Variants in ECI2 observed in about 807,000 individuals in gnomAD.
ECI2 encodes D3,D2-enoyl-CoA isomerase.
In ECI2, 27 loss-of-function variants were observed where a neutral mutation model predicts 38.4. The observed-to-expected ratio is 0.70, with a 90% CI of 0.52 to 0.97. The LOEUF (loss-of-function observed/expected upper bound fraction) is 0.97. Among genes scored for constraint, ECI2 ranks in the 50% least tolerant of loss-of-function variants. The pLI is 0.00. For synonymous variants in ECI2, 168 were observed against 172.0 expected, an observed-to-expected ratio of 0.98 and a Z score of 0.18; for missense variants, 470 against 474.4, an observed-to-expected ratio of 0.99 and a Z score of 0.09.
Position 4,115,793 on chromosome 6 carries a change from A to C in ECI2, c.*81T>G. 1 of 1,525,614 alleles carries C rather than the reference A, an allele frequency of 6.6e-7. No individual in the cohort carries two copies. The highest frequency in any genetic ancestry group is 8.9e-7 in the Non-Finnish European group (1 of 1,127,418). 94.5% of individuals were successfully genotyped at this position (1,525,614 alleles called of 1,614,324 possible). A position where few individuals can be genotyped will look rare whatever the true frequency, so the allele number is the denominator to read the frequency against. On this transcript the variant is annotated 3_prime_UTR_variant, in exon 10 of 10. Transcript: ENST00000380118. Reference sequence around the variant, plus strand: ...TCTAGCACTACAAAAGGCACAATGAAGCTTATTTAGTTCCAGTACTGGAAA... The same window carrying C: ...TCTAGCACTACAAAAGGCACAATGACGCTTATTTAGTTCCAGTACTGGAAA...
In ECI2 at chr6:4,123,843, C is replaced by T. The variant is rs186470781; in HGVS notation, c.795+1407G>A. Among the ~76,000 whole-genome samples, 106 of 152,006 alleles carry T rather than the reference C, an allele frequency of 7.0e-4. 3 individuals are homozygous for T. In the East Asian group the frequency reaches 0.018, roughly 26 times the overall value. Reference sequence around the variant, plus strand: ...AATTAGCTCGATGTGGTGGCACGCACCTGTACTACTCAGGAGGCTGAGTGG... The same window carrying T: ...AATTAGCTCGATGTGGTGGCACGCATCTGTACTACTCAGGAGGCTGAGTGG... On this transcript the variant is annotated intron_variant, in intron 7 of 9. Coordinates refer to ENST00000380118, the MANE Select transcript of ECI2 (RefSeq NM_206836.3).
chr6:4,117,186 T>C (rs1037024159), intron 9 of ECI2, 122 bp downstream of exon 9: 3 of 1,206,282 alleles, frequency 2.5e-6, no homozygotes, highest in African/African-American at 3.1e-5. Flanking sequence ...CAAATTTAGA[T>C]GTGCTTAGAG....
In ECI2 at chr6:4,134,182, C is replaced by G. The variant is rs150727831; in HGVS notation, c.51-471G>C. On this transcript the variant is annotated intron_variant, in intron 1 of 9. Transcript: ENST00000380118. ...CCTCTTTGCTGGCGAAGCTGGTGTT[C>G]CAACATACACACAGGTGGAAGGAGG... Among the ~76,000 whole-genome samples, 162 of 152,304 alleles carry G rather than the reference C, an allele frequency of 1.1e-3. 1 individual carries two copies. Among genetic ancestry groups the G allele is most frequent in the African/African-American group, 3.6e-3 (150 of 41,554 alleles).
In ECI2 at chr6:4,135,319, G is replaced by C. The variant is rs377026780; in HGVS notation, c.50+192C>G. Reference sequence around the variant, plus strand: ...CGACGCGCCCATCCTGACCACTCCGGGCCCAGCGGTGCAGGAGGGCGCGCG... The same window carrying C: ...CGACGCGCCCATCCTGACCACTCCGCGCCCAGCGGTGCAGGAGGGCGCGCG... On this transcript the variant is annotated intron_variant, in intron 1 of 9. Transcript: ENST00000380118. The C allele has an allele frequency of 2.0e-4, 289 of 1,449,054 alleles. 1 individual carries two copies. The East Asian group carries it at 5.1e-3, about 26-fold the overall frequency. The allele number at this position is 1,449,054 out of a possible 1,614,324, so 89.8% of individuals were successfully genotyped here.
At chr6:4,124,381 G>C (rs1301741469) in intron 7 of ECI2, among the ~76,000 whole-genome samples, 2 of 152,174 alleles carry the variant, frequency 1.3e-5, no homozygotes, top group Non-Finnish European at 2.9e-5. Flanking sequence ...AAATACCTCT[G>C]AACAAAACTA....
At chr6:4,132,479 C>G (rs761370529) in intron 2 of ECI2, among the ~76,000 whole-genome samples, 2 of 152,022 alleles carry the variant, frequency 1.3e-5, no homozygotes, top group Admixed American at 6.6e-5. Context: ...AAGCTGAGGG[C>G]AAAGCCACAC....
chr6:4,119,100 G>A, intron 8 of ECI2, 86 bp downstream of exon 8: 1 of 1,125,728 alleles, frequency 8.9e-7, no homozygotes, highest in Non-Finnish European at 1.3e-6. Flanking sequence ...ATTACCAAGG[G>A]AAAGAAGGGA....
chr6:4,134,693 T>C (rs985088621), intron 1 of ECI2, among the ~76,000 whole-genome samples: 1 of 152,198 alleles, frequency 6.6e-6, no homozygotes, highest in Admixed American at 6.5e-5. Context: ...CTAGAGTAAG[T>C]TTTACATTAA....
At position 4,125,276 on chromosome 6, in the gene ECI2, A is replaced by G. The variant is rs750065674; in HGVS notation, c.769T>C (p.Phe257Leu). 1.4e-5 allele frequency: 22 copies of G among 1,614,046 alleles called. No homozygotes were observed. In the Admixed American group the frequency reaches 3.7e-4, roughly 27 times the overall value. The change falls in exon 7 of 10, where the codon TTC (phenylalanine) becomes CTC (leucine). Residue 257 changes from phenylalanine (F) to leucine (L), a missense_variant. Physicochemically the swap from Phe to Leu is conservative, Grantham distance 22 (BLOSUM62 0). Transcript: ENST00000380118. ...VGISVTLLGL[F>L]DAVYASDRAT... Reference sequence around the variant, plus strand: ...CTGTCAGATGCATACACGGCATCGAATAGCCCAAGGAGGGTGACGGAGATG... The same window carrying G: ...CTGTCAGATGCATACACGGCATCGAGTAGCCCAAGGAGGGTGACGGAGATG...
At chr6:4,127,913 G>T in intron 4 of ECI2, 82 bp from the exon 5 acceptor site, 1 of 1,370,158 alleles carries the variant, frequency 7.3e-7, no homozygotes, top group Non-Finnish European at 1.0e-6. Flanking sequence ...ATGTCAGGCT[G>T]CAAGCTTGCT....
chr6:4,127,475 C>T (rs1773245323), intron 5 of ECI2, among the ~76,000 whole-genome samples: 2 of 126,008 alleles, frequency 1.6e-5, no homozygotes, highest in South Asian at 2.8e-4. Context: ...AGTGCAGTGG[C>T]GCGACCTCGG....
At chr6:4,135,318 G>C (rs531180504) in intron 1 of ECI2, 193 bp downstream of exon 1, 3 of 1,444,186 alleles carry the variant, frequency 2.1e-6, no homozygotes, top group Admixed American at 2.3e-5. Flanking sequence ...TGACCACTCC[G>C]GGCCCAGCGG....
At chr6:4,133,471 T>C in intron 2 of ECI2, 78 bp downstream of exon 2, 1 of 1,504,638 alleles carries the variant, frequency 6.6e-7, no homozygotes, top group South Asian at 1.3e-5. Context: ...GGCCACATTT[T>C]AGTAAACACA....
At chr6:4,116,445 T>G (rs1581959063) in intron 9 of ECI2, among the ~76,000 whole-genome samples, 1 of 6 alleles carries the variant, frequency 0.17, no homozygotes, top group Admixed American at 0.5. Context: ...CTGTTAAATC[T>G]TTTTTTTTTT....
chr6:4,123,164 TTTTA>T (rs1772916840), intron 7 of ECI2, among the ~76,000 whole-genome samples: 1 of 152,180 alleles, frequency 6.6e-6, no homozygotes, highest in Admixed American at 6.5e-5. Flanking sequence ...ATTTCCTTTA[TTTTA>T]TTTATTTTTT....
intron 7 of ECI2, among the ~76,000 whole-genome samples, chr6:4,123,928 T>C (rs796911446): frequency 6.6e-6 from 1 of 151,882 alleles, no homozygotes; most frequent in Non-Finnish European, 1.5e-5. Flanking sequence ...GCCACTGCAT[T>C]CCAGCTTGGG....
chr6:4,116,106 T>C (rs660957), intron 9 of ECI2, 77 bp from the exon 10 acceptor site: 3 of 1,515,826 alleles, frequency 2.0e-6, no homozygotes, highest in Admixed American at 2.0e-5. Flanking sequence ...ATCCCAGCAC[T>C]TGGGGAGGCC....
At chr6:4,119,791 G>A (rs1332694737) in intron 7 of ECI2, among the ~76,000 whole-genome samples, 2 of 152,160 alleles carry the variant, frequency 1.3e-5, no homozygotes, top group African/African-American at 4.8e-5. Context: ...CACCACTACT[G>A]ACATGCGGAA....
intron 2 of ECI2, among the ~76,000 whole-genome samples, chr6:4,132,465 C>G (rs1773545202): frequency 2.0e-5 from 3 of 152,042 alleles, no homozygotes; most frequent in Admixed American, 1.3e-4. Context: ...GATTCACTTC[C>G]CAGAAGCTGA....
Sources: allele counts gnomAD v4.1 joint callset (sites outside exome capture counted in the v4.1 genomes callset), GRCh38; gene constraint gnomAD v4.1.1; transcripts MANE v1.5; gene names NCBI Gene and HGNC (gene_info 2026-07-23, HGNC 2026-07-21).